The following RPS25 variants were observed in gnomAD, a reference collection of about 807,000 sequenced individuals.
RPS25 encodes small ribosomal subunit protein eS25.
RPS25 carries 1 observed loss-of-function variant against 14.4 expected under a neutral mutation model. The ratio of observed to expected loss-of-function variants is 0.07; its 90% CI spans 0.02 to 0.33. RPS25 has a LOEUF of 0.33. Ranked by LOEUF, RPS25 falls within the 10% of genes least tolerant of loss-of-function variation. The pLI, the probability that RPS25 is intolerant of heterozygous loss-of-function variation, is 1.00. For synonymous variants in RPS25, 63 were observed against 53.8 expected (o/e 1.17, Z -0.75); for missense variants, 65 against 144.6 (o/e 0.45, Z 2.82).
At chr11:119,017,264 T>A in intron 3 of RPS25, 98 bp downstream of exon 3, 1 of 900,700 alleles carries the variant, frequency 1.1e-6, no homozygotes, top group Non-Finnish European at 1.6e-6. Flanking sequence ...CACGCTTTTT[T>A]TTTTTAATTC....
At chr11:119,017,677 CAAAAAA>C (rs781825108) in intron 2 of RPS25, 132 bp from the exon 3 acceptor site, 3 of 759,136 alleles carry the variant, frequency 4.0e-6, no homozygotes, top group Non-Finnish European at 3.9e-6. Flanking sequence ...AAAACAAAAA[CAAAAAA>C]AAAACACCGA....
chr11:119,017,887 A>T (rs1459575168), intron 2 of RPS25, 71 bp downstream of exon 2: 1 of 1,236,650 alleles, frequency 8.1e-7, no homozygotes, highest in Non-Finnish European at 1.2e-6. Context: ...CACTTACTAT[A>T]CAAGTTACCT....
rs200460989 is a variant in RPS25, at chr11:119,015,949, G to C, written c.284-10C>G. 28 of 1,516,480 alleles carry C rather than the reference G, an allele frequency of 1.8e-5. No homozygotes were observed. The highest frequency in any genetic ancestry group is 4.1e-5 in the African/African-American group (3 of 72,712). The allele number at this position is 1,516,480 out of a possible 1,614,324, so 93.9% of individuals were successfully genotyped here. A position where few individuals can be genotyped will look rare whatever the true frequency, so the allele number is the denominator to read the frequency against. The stretch of plus-strand genomic sequence containing the variant: ...ACCAGTTTGATAAGTCCTAGGGGGA[G>C]AGAATAGCACGATGAGATGCTTAAC... On this transcript the variant is annotated splice_polypyrimidine_tract_variant and intron_variant, in intron 3 of 4. Coordinates refer to ENST00000527673, the MANE Select transcript of RPS25 (RefSeq NM_001028.3).
Position 119,017,388 on chromosome 11 carries a change from G to T in RPS25, c.257C>A (p.Ala86Glu). Reference protein sequence around the residue: ...RLKIRGSLARAALQELLSKGL... With the variant: ...RLKIRGSLAREALQELLSKGL... Reference sequence around the variant, plus strand: ...TTTACTAAGGAGCTCCTGAAGGGCTGCCCTGGCCAGGGAGCCTCGAATCTT... The same window carrying T: ...TTTACTAAGGAGCTCCTGAAGGGCTTCCCTGGCCAGGGAGCCTCGAATCTT... Residue 86 changes from alanine (A) to glutamate (E), a missense_variant, in exon 3 of 5, where the codon GCA (alanine) becomes GAA (glutamate). Transcript: ENST00000527673. 1.2e-6 allele frequency: 2 copies of T among 1,613,830 alleles called. No homozygotes were observed. Among genetic ancestry groups the T allele is most frequent in the Non-Finnish European group, 1.7e-6 (2 of 1,179,778 alleles).
At chr11:119,016,228 T>C (rs562287958) in intron 3 of RPS25, among the ~76,000 whole-genome samples, 4 of 152,234 alleles carry the variant, frequency 2.6e-5, no homozygotes, top group Admixed American at 6.5e-5. Flanking sequence ...GGTGGTTGCA[T>C]TGAGCCAAGA....
intron 3 of RPS25, 28 bp from the exon 4 acceptor site, chr11:119,015,967 T>C (rs1943145815): frequency 5.2e-6 from 7 of 1,342,576 alleles, no homozygotes; most frequent in South Asian, 1.2e-5. Flanking sequence ...CACGATGAGA[T>C]GCTTAACAGA....
rs537697599 is a variant in RPS25, at chr11:119,015,722, T to C, written c.*41A>G. ...AGACATACTCATTCATTTGATTTAATAAAGTTTTATTTTTCCAAATGTACA... is the reference window on the plus strand; with the variant it reads ...AGACATACTCATTCATTTGATTTAACAAAGTTTTATTTTTCCAAATGTACA... On this transcript the variant is annotated 3_prime_UTR_variant, in exon 5 of 5. Coordinates refer to ENST00000527673, the MANE Select transcript of RPS25 (RefSeq NM_001028.3). 366 of 1,293,170 alleles carry C rather than the reference T, an allele frequency of 2.8e-4. 1 individual carries two copies. Among genetic ancestry groups the C allele is most frequent in the Non-Finnish European group, 2.4e-4 (222 of 909,604 alleles). 80.1% of individuals were successfully genotyped at this position (1,293,170 alleles called of 1,614,324 possible).
intron 2 of RPS25, 60 bp downstream of exon 2, chr11:119,017,898 A>G: frequency 7.5e-7 from 1 of 1,330,560 alleles, no homozygotes; most frequent in South Asian, 1.2e-5. Context: ...CAAGTTACCT[A>G]TTACTAGAGG....
intron 3 of RPS25, among the ~76,000 whole-genome samples, chr11:119,016,793 G>C (rs952700081): frequency 1.3e-5 from 2 of 151,990 alleles, no homozygotes; most frequent in African/African-American, 2.4e-5. Context: ...CCCACGTCCA[G>C]CTAACTTTCA....
chr11:119,015,943 G>C lies in RPS25; in HGVS notation c.284-4C>G. 6.4e-7 allele frequency: 1 copy of C among 1,566,630 alleles called. No homozygotes were observed. ...TTTGAAACCAGTTTGATAAGTCCTA[G>C]GGGGAGAGAATAGCACGATGAGATG... On this transcript the variant is annotated splice_region_variant and splice_polypyrimidine_tract_variant and intron_variant, in intron 3 of 4. Coordinates refer to ENST00000527673, the MANE Select transcript of RPS25 (RefSeq NM_001028.3).
Position 119,018,298 on chromosome 11 carries a change from G to T in RPS25, c.-14C>A. ...GAAGCTTACCATTGCGAAGCTCGGA[G>T]AATAGCAGCAGACACCGCAGCCTCG... On this transcript the variant is annotated 5_prime_UTR_variant, in exon 1 of 5. Transcript: ENST00000527673. The T allele has an allele frequency of 6.2e-7, 1 of 1,614,162 alleles. No homozygotes were observed. Among genetic ancestry groups the T allele is most frequent in the Non-Finnish European group, 8.5e-7 (1 of 1,180,034 alleles).
At chr11:119,016,081 A>G in intron 3 of RPS25, 142 bp from the exon 4 acceptor site, 1 of 580,302 alleles carries the variant, frequency 1.7e-6, no homozygotes, top group Non-Finnish European at 3.2e-6. Flanking sequence ...TGAGGTAAGG[A>G]GTTGCACACC....
chr11:119,017,033 T>G (rs915195718), intron 3 of RPS25, among the ~76,000 whole-genome samples: 1 of 152,260 alleles, frequency 6.6e-6, no homozygotes, highest in Non-Finnish European at 1.5e-5. Flanking sequence ...CATAAAGGTT[T>G]TAAACATTTT....
chr11:119,016,215 ATTGG>A (rs963845743), intron 3 of RPS25, among the ~76,000 whole-genome samples: 1 of 152,140 alleles, frequency 6.6e-6, no homozygotes, highest in Non-Finnish European at 1.5e-5. Flanking sequence ...GAACCCAGGA[ATTGG>A]TGGTTGCATT....
At chr11:119,016,600 A>C (rs1041393743) in intron 3 of RPS25, among the ~76,000 whole-genome samples, 3 of 149,864 alleles carry the variant, frequency 2.0e-5, no homozygotes, top group Non-Finnish European at 3.0e-5. Context: ...ATCTATCCTT[A>C]CTTTTCCTTT....
chr11:119,016,595 T>C (rs1943163006), intron 3 of RPS25, among the ~76,000 whole-genome samples: 1 of 151,410 alleles, frequency 6.6e-6, no homozygotes, highest in Non-Finnish European at 1.5e-5. Flanking sequence ...CGATCATCTA[T>C]CCTTACTTTT....
rs781926608 is a variant in RPS25 at position 119,015,803 on chromosome 11, C to CTAG, written c.*4+37_*4+38insCTA. On this transcript the variant is annotated intron_variant, in intron 4 of 4. Coordinates refer to ENST00000527673, the MANE Select transcript of RPS25 (RefSeq NM_001028.3). Reference sequence around the variant, plus strand: ...GAATCAGAACCATAAAGCTTTGTATCTACCTCCTACACCATGAGCCCACAC... The same window carrying CTAG: ...GAATCAGAACCATAAAGCTTTGTATCTAGTACCTCCTACACCATGAGCCCACAC... 7.8e-6 allele frequency: 11 copies of CTAG among 1,403,154 alleles called. No individual in the cohort carries two copies. In the South Asian group the frequency reaches 1.3e-4, roughly 16 times the overall value. 86.9% of individuals were successfully genotyped at this position (1,403,154 alleles called of 1,614,324 possible).
chr11:119,018,258 C>G, intron 1 of RPS25, 24 bp downstream of exon 1: 1 of 1,614,098 alleles, frequency 6.2e-7, no homozygotes, highest in Non-Finnish European at 8.5e-7. Context: ...AGAACGCCGG[C>G]GACTTCACAC....
In RPS25 at chr11:119,018,309, G is replaced by A. The variant is rs1206265456; in HGVS notation, c.-25C>T. The A allele has an allele frequency of 3.7e-6, 6 of 1,614,030 alleles. No individual in the cohort carries two copies. The highest frequency in any genetic ancestry group is 3.3e-5 in the South Asian group (3 of 91,086). ...TTGCGAAGCTCGGAGAATAGCAGCA[G>A]ACACCGCAGCCTCGTCAAGATGTCG... On this transcript the variant is annotated 5_prime_UTR_variant, in exon 1 of 5. Coordinates refer to ENST00000527673, the MANE Select transcript of RPS25 (RefSeq NM_001028.3).
Sources: allele counts gnomAD v4.1 joint callset (sites outside exome capture counted in the v4.1 genomes callset), GRCh38; gene constraint gnomAD v4.1.1; transcripts MANE v1.5; gene names NCBI Gene and HGNC (gene_info 2026-07-23, HGNC 2026-07-21).